The following THRB variants were observed in gnomAD, a reference collection of about 807,000 sequenced individuals.
THRB encodes thyroid hormone receptor beta.
In THRB, 12 loss-of-function variants were observed where a neutral mutation model predicts 47.8. That is an observed-to-expected ratio of 0.25 (90% CI 0.16 to 0.41). THRB has a LOEUF of 0.41. Ranked by LOEUF, THRB falls within the 10% of genes least tolerant of loss-of-function variation. The pLI, the probability that THRB is intolerant of heterozygous loss-of-function variation, is 1.00. For synonymous variants in THRB, 218 were observed against 212.2 expected (o/e 1.03, Z -0.24); for missense variants, 348 against 589.2 (o/e 0.59, Z 4.24).
At chr3:24,291,710 A>C (rs991380533) in intron 3 of THRB, among the ~76,000 whole-genome samples, 4 of 152,224 alleles carry the variant, frequency 2.6e-5, no homozygotes, top group Non-Finnish European at 5.9e-5. Flanking sequence ...CCATGGATGC[A>C]GAATCCATGG....
intron 4 of THRB, among the ~76,000 whole-genome samples, chr3:24,195,524 T>C (rs2043852637): frequency 6.6e-6 from 1 of 152,242 alleles, no homozygotes. Context: ...CAGCCACTTA[T>C]AATCTATTTT....
chr3:24,457,361 C>G (rs946097567), intron 1 of THRB, among the ~76,000 whole-genome samples: 16 of 152,136 alleles, frequency 1.1e-4, no homozygotes, highest in African/African-American at 3.6e-4. Flanking sequence ...TCCTAACATT[C>G]TGGCCATTAA....
At chr3:24,285,033 A>G (rs1266747262) in intron 3 of THRB, among the ~76,000 whole-genome samples, 1 of 152,108 alleles carries the variant, frequency 6.6e-6, no homozygotes, top group Non-Finnish European at 1.5e-5. Context: ...GTGATTCCTC[A>G]GGGATCTAGA....
intron 1 of THRB, among the ~76,000 whole-genome samples, chr3:24,344,286 T>C (rs1267118332): frequency 6.6e-6 from 1 of 152,048 alleles, no homozygotes; most frequent in African/African-American, 2.4e-5. Context: ...ATGGTGACTT[T>C]TGGGTTGGCA....
intron 4 of THRB, among the ~76,000 whole-genome samples, chr3:24,226,738 C>A (rs551192113): frequency 6.6e-6 from 1 of 152,302 alleles, no homozygotes; most frequent in African/African-American, 2.4e-5. Context: ...ACTGCCTGGA[C>A]CACCCTGGGC....
intron 4 of THRB, among the ~76,000 whole-genome samples, chr3:24,221,442 T>C: frequency 6.6e-6 from 1 of 152,146 alleles, no homozygotes; most frequent in Non-Finnish European, 1.5e-5. Flanking sequence ...CAGCTCTTGG[T>C]TACAGCAGGG....
At chr3:24,152,117 T>A (rs932214420) in intron 6 of THRB, among the ~76,000 whole-genome samples, 2 of 152,220 alleles carry the variant, frequency 1.3e-5, no homozygotes, top group Non-Finnish European at 1.5e-5. Context: ...AATTTCTTTT[T>A]ATTTTATTGA....
intron 3 of THRB, among the ~76,000 whole-genome samples, chr3:24,281,918 C>T (rs955829330): frequency 1.3e-5 from 2 of 150,288 alleles, no homozygotes; most frequent in South Asian, 2.1e-4. Flanking sequence ...AATACAGGAG[C>T]ACCCAGATTC....
At chr3:24,159,466 T>C (rs947962331) in intron 5 of THRB, among the ~76,000 whole-genome samples, 3 of 152,250 alleles carry the variant, frequency 2.0e-5, no homozygotes, top group South Asian at 2.1e-4. Context: ...GTATGTGTTA[T>C]GTTGCACGTA....
intron 2 of THRB, among the ~76,000 whole-genome samples, chr3:24,329,084 C>T (rs1194929416): frequency 3.3e-5 from 5 of 152,016 alleles, no homozygotes; most frequent in Admixed American, 6.6e-5. Flanking sequence ...GTAGCTGGGA[C>T]TACAGGCATG....
intron 3 of THRB, among the ~76,000 whole-genome samples, chr3:24,280,167 G>A (rs1458362349): frequency 1.3e-5 from 2 of 152,220 alleles, no homozygotes; most frequent in African/African-American, 4.8e-5. Flanking sequence ...CGACGCAGAA[G>A]ATGGGTGATT....
chr3:24,205,110 C>A (rs1453041800), intron 4 of THRB, among the ~76,000 whole-genome samples: 3 of 152,162 alleles, frequency 2.0e-5, no homozygotes, highest in Non-Finnish European at 4.4e-5. Flanking sequence ...CTTCCCCAAC[C>A]TAGCAAGGCA....
At chr3:24,327,354 G>T (rs1290080866) in intron 2 of THRB, among the ~76,000 whole-genome samples, 1 of 152,056 alleles carries the variant, frequency 6.6e-6, no homozygotes, top group African/African-American at 2.4e-5. Context: ...AAGAGTTGCT[G>T]TAAGAGTATT....
At chr3:24,305,838 G>A (rs1460158837) in intron 2 of THRB, among the ~76,000 whole-genome samples, 1 of 152,130 alleles carries the variant, frequency 6.6e-6, no homozygotes, top group Non-Finnish European at 1.5e-5. Context: ...CTAGTTCTAT[G>A]CAGCATTCAA....
intron 4 of THRB, among the ~76,000 whole-genome samples, chr3:24,191,817 A>C (rs967016414): frequency 5.9e-5 from 9 of 152,364 alleles, no homozygotes; most frequent in African/African-American, 2.2e-4. Flanking sequence ...AATAGTAACA[A>C]AGTAACAATC....
intron 4 of THRB, among the ~76,000 whole-genome samples, chr3:24,201,392 G>A (rs771136361): frequency 3.9e-5 from 6 of 152,112 alleles, no homozygotes; most frequent in Non-Finnish European, 8.8e-5. Flanking sequence ...TCAAAGTGCA[G>A]TCTAAGGACC....
chr3:24,474,329 T>A (rs982323035), intron 1 of THRB, among the ~76,000 whole-genome samples: 8 of 152,228 alleles, frequency 5.3e-5, no homozygotes, highest in Admixed American at 5.2e-4. Flanking sequence ...CCTCAAAATT[T>A]AGTCTTCCTT....
At chr3:24,405,946 T>A (rs1044899470) in intron 1 of THRB, among the ~76,000 whole-genome samples, 1 of 151,620 alleles carries the variant, frequency 6.6e-6, no homozygotes, top group Non-Finnish European at 1.5e-5. Flanking sequence ...TTTCTTTTTA[T>A]ATTTAGTCCT....
chr3:24,350,510 T>C (rs758385061), intron 1 of THRB, among the ~76,000 whole-genome samples: 1 of 152,166 alleles, frequency 6.6e-6, no homozygotes, highest in Admixed American at 6.6e-5. Flanking sequence ...TCAGAAATGA[T>C]AGAGTCTTCC....
Sources: gnomAD v4.1 joint callset for allele counts (sites outside exome capture counted in the v4.1 genomes callset) on GRCh38, gnomAD v4.1.1 for gene constraint, MANE v1.5 for transcripts, NCBI Gene and HGNC (gene_info 2026-07-23, HGNC 2026-07-21) for gene names.